ZNF263: variants seen among roughly 807,000 people sequenced by gnomAD.
ZNF263 encodes zinc finger protein FPM315.
In ZNF263, 49 loss-of-function variants were observed where a neutral mutation model predicts 63.1. The ratio of observed to expected loss-of-function variants is 0.78; its 90% CI spans 0.62 to 0.99. The LOEUF (loss-of-function observed/expected upper bound fraction) is 0.99, where lower values mean the gene tolerates loss of function less well. ZNF263 is among the 50% of genes least tolerant of loss of function. ZNF263 has a pLI of 0.00. For missense variants in ZNF263, 872 were observed against 854.8 expected (o/e 1.02, Z -0.25); for synonymous variants, 352 against 324.2 (o/e 1.09, Z -0.92).
rs1202320142 is a variant in ZNF263, at chr16:3,285,662, T to C, written c.569-19T>C. Reference sequence around the variant, plus strand: ...AGAGTTAGGAATGCCATTCTCATTATAATTTCTGTCACCTTCAGCATTATC... The same window carrying C: ...AGAGTTAGGAATGCCATTCTCATTACAATTTCTGTCACCTTCAGCATTATC... On this transcript the variant is annotated intron_variant, in intron 2 of 5. Coordinates refer to ENST00000219069, the MANE Select transcript of ZNF263 (RefSeq NM_005741.5). 4.3e-6 allele frequency: 7 copies of C among 1,613,046 alleles called. No homozygotes were observed. Among genetic ancestry groups the C allele is most frequent in the Admixed American group, 1.7e-5 (1 of 60,006 alleles).
chr16:3,299,440 T>G, intron 2 of ZNF263: 1 of 1,561,166 alleles, frequency 6.4e-7, no homozygotes, highest in Non-Finnish European at 8.6e-7. Context: ...TATGGTTATT[T>G]GTTTTACTTC....
At chr16:3,299,721 G>C in intron 2 of ZNF263, 2 of 1,535,736 alleles carry the variant, frequency 1.3e-6, no homozygotes, top group Non-Finnish European at 1.7e-6. Context: ...GATGAGCCGG[G>C]CAACTGTCCA....
intron 5 of ZNF263, 135 bp from the exon 6 acceptor site, chr16:3,289,258 T>G (rs2150773777): frequency 5.6e-6 from 5 of 893,758 alleles, no homozygotes; most frequent in East Asian, 2.6e-5. Flanking sequence ...TGCTTTACCT[T>G]TAGGAGAGGA....
At chr16:3,299,201 T>G in intron 2 of ZNF263, 1 of 1,602,030 alleles carries the variant, frequency 6.2e-7, no homozygotes, top group Non-Finnish European at 8.5e-7. Flanking sequence ...AATTCAGCAG[T>G]CTGCTTCTCA....
At chr16:3,299,073 TTTC>T (rs1959851310) in intron 1 of ZNF263, 3 of 1,419,758 alleles carry the variant, frequency 2.1e-6, no homozygotes, top group Non-Finnish European at 9.2e-7. Flanking sequence ...TCTGGAACTG[TTTC>T]TTGACTATTT....
intron 4 of ZNF263, among the ~76,000 whole-genome samples, chr16:3,288,230 C>T (rs1409635210): frequency 9.3e-5 from 14 of 150,344 alleles, no homozygotes; most frequent in Admixed American, 6.0e-4. Flanking sequence ...CCAGCCTGGG[C>T]GACAGAGTGA....
In ZNF263 at chr16:3,284,172, T is replaced by C. The variant is rs1959252795; in HGVS notation, c.354T>C (p.Asp118=). 1 of 1,569,702 alleles carries C rather than the reference T, an allele frequency of 6.4e-7. No individual in the cohort carries two copies. Among genetic ancestry groups the C allele is most frequent in the Non-Finnish European group, 8.6e-7 (1 of 1,157,296 alleles). ...AAGAAGCGGTGACCCTTGTGGAGGA[T>C]ATGCAGAGAGAGCTTGGGAGACTGA... is the stretch of plus-strand genomic sequence containing the variant. ...SGEEAVTLVE[D]MQRELGRLRQ... The change falls in exon 1 of 6, where the codon GAT becomes GAC. Residue 118 remains aspartate, a synonymous_variant. Coordinates refer to ENST00000219069, the MANE Select transcript of ZNF263 (RefSeq NM_005741.5).
rs954303055 is a variant in ZNF263 at position 3,299,158 on chromosome 16, T to C, written c.*46+2T>C. 4 of 1,539,070 alleles carry C rather than the reference T, an allele frequency of 2.6e-6. No homozygotes were observed. The highest frequency in any genetic ancestry group is 2.6e-6 in the Non-Finnish European group (3 of 1,146,916). ...TGTGGCATCAACAAAGTCAAGAAGGTAGTCCAAACTCTCTCTTACAGCAGA... is the reference window on the plus strand; with the variant it reads ...TGTGGCATCAACAAAGTCAAGAAGGCAGTCCAAACTCTCTCTTACAGCAGA... On this transcript the variant is annotated splice_donor_variant, in intron 2 of 2. Transcript: ENST00000574674. LOFTEE classifies it low-confidence loss of function (3UTR_SPLICE).
chr16:3,288,780 G>T (rs756924114), intron 5 of ZNF263, among the ~76,000 whole-genome samples: 34 of 152,116 alleles, frequency 2.2e-4, no homozygotes, highest in Non-Finnish European at 4.0e-4. Context: ...CGAGTAGCTG[G>T]GATTACAGGC....
downstream of ZNF263, among the ~76,000 whole-genome samples, chr16:3,295,479 C>A (rs1366998254): frequency 1.3e-5 from 2 of 152,246 alleles, no homozygotes; most frequent in African/African-American, 4.8e-5. Flanking sequence ...GGTTTCCTCT[C>A]CTAGACTCGA....
In ZNF263 at chr16:3,285,052, T is replaced by C. The variant is rs1959291802; in HGVS notation, c.388-7T>C. ...TGTGATGATGAGTGATGTGGGTTGG[T>C]TCCCAGGTCACAAACCATGGGCGGG... On this transcript the variant is annotated splice_region_variant and splice_polypyrimidine_tract_variant and intron_variant, in intron 1 of 5. Coordinates refer to ENST00000219069, the MANE Select transcript of ZNF263 (RefSeq NM_005741.5). 6.2e-7 allele frequency: 1 copy of C among 1,613,952 alleles called. No homozygotes were observed.
At chr16:3,295,219 G>A (rs966509755), downstream of ZNF263, among the ~76,000 whole-genome samples, 18 of 152,168 alleles carry the variant, frequency 1.2e-4, no homozygotes, top group Non-Finnish European at 2.6e-4. Flanking sequence ...CGGGCCTCGG[G>A]GCTGCCGCTC....
chr16:3,299,943 T>C, intron 2 of ZNF263: 1 of 1,613,134 alleles, frequency 6.2e-7, no homozygotes, highest in Non-Finnish European at 8.5e-7. Flanking sequence ...TGATTGACTT[T>C]AATTTATGAG....
chr16:3,286,766 G>C (rs1335554667), intron 4 of ZNF263: 1 of 152,240 alleles, frequency 6.6e-6, no homozygotes, highest in Admixed American at 6.5e-5. Context: ...GAATATGACA[G>C]ACTGACATAT....
At position 3,289,908 on chromosome 16, in the gene ZNF263, G is replaced by T. The variant is rs371748967; in HGVS notation, c.1402G>T (p.Gly468Ter). ...GAAGCCCTATCAGTGCAACATTTGC[G>T]GAAAATGTTTCTCCTGCAACTCCAA... ...GEKPYQCNIC[G>*]KCFSCNSNLH... The change falls in exon 6 of 6, where the codon GGA becomes TGA. Residue 468 changes from glycine (G) to a stop codon, truncating the protein, a stop_gained. Transcript: ENST00000219069. LOFTEE classifies it high-confidence loss of function. 2 of 1,614,030 alleles carry T rather than the reference G, an allele frequency of 1.2e-6. No homozygotes were observed. Among genetic ancestry groups the T allele is most frequent in the African/African-American group, 1.3e-5 (1 of 74,930 alleles).
exon 3 of ZNF263, chr16:3,301,034 A>G (rs1395361026): frequency 5.8e-6 from 1 of 172,250 alleles, no homozygotes; most frequent in South Asian, 2.0e-4. Context: ...GACAGGTGTG[A>G]TAAGTTTCCA....
intron 1 of ZNF263, chr16:3,299,079 G>C (rs746925011): frequency 1.4e-6 from 2 of 1,419,488 alleles, no homozygotes; most frequent in South Asian, 1.8e-5. Context: ...ACTGTTTCTT[G>C]ACTATTTCTT....
At position 3,300,180 on chromosome 16, in the gene ZNF263, G is replaced by A. The variant is rs113947684; in HGVS notation, c.*47-733G>A. ...CAACATTTTCAGAAACTGAACTTAG[G>A]ACTTGTTCCCCACATCCTTTTCGGT... On this transcript the variant is annotated intron_variant, in intron 2 of 2. Transcript: ENST00000574674. 6.2e-6 allele frequency: 10 copies of A among 1,614,190 alleles called. No homozygotes were observed. In the East Asian group the frequency reaches 2.2e-4, roughly 36 times the overall value.
chr16:3,284,966 T>G, intron 1 of ZNF263, 93 bp from the exon 2 acceptor site: 2 of 1,480,776 alleles, frequency 1.4e-6, no homozygotes, highest in Non-Finnish European at 1.9e-6. Flanking sequence ...TCGCCTGAGG[T>G]TCTCTGTTGA....
Sources: gnomAD v4.1 joint callset for allele counts (sites outside exome capture counted in the v4.1 genomes callset) on GRCh38, gnomAD v4.1.1 for gene constraint, MANE v1.5 for transcripts, NCBI Gene and HGNC (gene_info 2026-07-23, HGNC 2026-07-21) for gene names.